Variants in GATA1 observed in about 807,000 individuals in gnomAD.
GATA1 encodes the protein GATA binding protein 1.
GATA1 carries 2 observed loss-of-function variants against 18.9 expected under a neutral mutation model. The ratio of observed to expected loss-of-function variants is 0.11; its 90% CI spans 0.04 to 0.33. The LOEUF is 0.33. GATA1 is among the 10% of genes least tolerant of loss of function. GATA1 has a pLI of 1.00. For missense variants in GATA1, 272 were observed against 344.7 expected (o/e 0.79, Z 1.67); for synonymous variants, 152 against 149.1 (o/e 1.02, Z -0.14).
chrX:48,791,881 G>T lies in GATA1; in HGVS notation c.258G>T (p.Gly86=). The part of the protein sequence containing the change: ...QVYPLLNCME[G]IPGGSPYAGW... Reference sequence around the variant, plus strand: ...ACCCATTGCTCAACTGTATGGAGGGGATCCCAGGGGGCTCACCATATGCCG... The same window carrying T: ...ACCCATTGCTCAACTGTATGGAGGGTATCCCAGGGGGCTCACCATATGCCG... Residue 86 remains glycine (G), a synonymous_variant, in exon 3 of 6, where the codon GGG becomes GGT. Transcript: ENST00000376670. The T allele has an allele frequency of 8.3e-7, 1 of 1,211,796 alleles. No homozygotes were observed. The highest frequency in any genetic ancestry group is 1.1e-6 in the Non-Finnish European group (1 of 895,373).
At chrX:48,793,558 C>A (rs1557020514) in intron 5 of GATA1, among the ~76,000 whole-genome samples, 2 of 106,471 alleles carry the variant, frequency 1.9e-5, no homozygotes, top group East Asian at 3.0e-4. Flanking sequence ...CTCTCCTCTC[C>A]CCCACCTCCA....
intron 1 of GATA1, among the ~76,000 whole-genome samples, chrX:48,788,053 C>A (rs1269912913): frequency 9.0e-6 from 1 of 111,083 alleles, no homozygotes; most frequent in Non-Finnish European, 1.9e-5. Flanking sequence ...GAGGCTGGGC[C>A]CCTGCCATGG....
Position 48,786,593 on chromosome X carries a change from C to T in GATA1, c.-72C>T, listed in dbSNP as rs782304729. The T allele has an allele frequency of 1.8e-5, 2 of 111,798 alleles. No individual in the cohort carries two copies. Among genetic ancestry groups the T allele is most frequent in the Admixed American group, 9.4e-5 (1 of 10,630 alleles). 9.2% of individuals were successfully genotyped at this position (111,798 alleles called of 1,213,427 possible). A position where few individuals can be genotyped will look rare whatever the true frequency, so the allele number is the denominator to read the frequency against. ...AGCCAGGACACCCCCTGGGATCACACTGAGCTTGCCACATCCCCAAGGCGG... is the reference window on the plus strand; with the variant it reads ...AGCCAGGACACCCCCTGGGATCACATTGAGCTTGCCACATCCCCAAGGCGG... On this transcript the variant is annotated 5_prime_UTR_variant, in exon 1 of 6. Coordinates refer to ENST00000376670, the MANE Select transcript of GATA1 (RefSeq NM_002049.4).
chrX:48,791,064 G>A, intron 1 of GATA1, 27 bp from the exon 2 acceptor site: 1 of 1,056,637 alleles, frequency 9.5e-7, no homozygotes. Context: ...GGATTTCTGT[G>A]TCTGAGGACC....
At position 48,794,122 on chromosome X, in the gene GATA1, C is replaced by T; in HGVS notation, c.1200C>T (p.Pro400=). 1 of 1,187,674 alleles carries T rather than the reference C, an allele frequency of 8.4e-7. No individual in the cohort carries two copies. ...GCTCCTTCCCCACAGGCCCCATGCC[C>T]CCCACCACCAGCACTACTGTGGTGG... ...PTGSFPTGPM[P]PTTSTTVVAP... Residue 400 remains proline, a synonymous_variant, in exon 6 of 6, where the codon CCC becomes CCT. Coordinates refer to ENST00000376670, the MANE Select transcript of GATA1 (RefSeq NM_002049.4).
chrX:48,789,867 G>A (rs1206053114), intron 1 of GATA1, among the ~76,000 whole-genome samples: 2 of 110,529 alleles, frequency 1.8e-5, no homozygotes, highest in Admixed American at 9.6e-5. Context: ...AGATACAACA[G>A]ATAGGGATGA....
chrX:48,793,535 G>A (rs893841417), intron 5 of GATA1, among the ~76,000 whole-genome samples: 3 of 93,093 alleles, frequency 3.2e-5, no homozygotes, highest in Non-Finnish European at 6.3e-5. Context: ...CTCCTCCTCC[G>A]CCCTCCTCCT....
chrX:48,787,488 T>C (rs2062661760), intron 1 of GATA1, among the ~76,000 whole-genome samples: 1 of 110,946 alleles, frequency 9.0e-6, no homozygotes, highest in Admixed American at 9.6e-5. Context: ...CTTTGACTCC[T>C]AAACTCCATC....
chrX:48,792,736 C>T (rs1326042271), intron 4 of GATA1, among the ~76,000 whole-genome samples: 1 of 111,327 alleles, frequency 9.0e-6, no homozygotes, highest in African/African-American at 3.3e-5. Context: ...GAACCCAGAT[C>T]TATAGAAGCT....
chrX:48,791,906 G>A lies in GATA1; in HGVS notation c.283G>A (p.Gly95Ser), dbSNP rs782790256. 31 of 1,210,208 alleles carry A rather than the reference G, an allele frequency of 2.6e-5. No individual in the cohort carries two copies. The highest frequency in any genetic ancestry group is 3.1e-5 in the Non-Finnish European group (28 of 895,077). Residue 95 changes from glycine (G) to serine (S), a missense_variant, in exon 3 of 6, where the codon GGC (glycine) becomes AGC (serine). Gly to Ser is a moderately conservative substitution (Grantham distance 56). This residue lies in a region of GATA1 where 147 missense variants were observed against 157.4 expected (regional missense o/e 0.93). Transcript: ENST00000376670. ...GATCCCAGGGGGCTCACCATATGCCGGCTGGGCCTACGGCAAGACGGGGCT... is the reference window on the plus strand; with the variant it reads ...GATCCCAGGGGGCTCACCATATGCCAGCTGGGCCTACGGCAAGACGGGGCT... ...EGIPGGSPYA[G>S]WAYGKTGLYP...
At chrX:48,792,751 T>C (rs1403974926) in intron 4 of GATA1, among the ~76,000 whole-genome samples, 1 of 110,977 alleles carries the variant, frequency 9.0e-6, no homozygotes, top group Non-Finnish European at 1.9e-5. Flanking sequence ...GAAGCTCCTA[T>C]CCTCAACCTA....
At chrX:48,787,872 T>C (rs2062662790) in intron 1 of GATA1, among the ~76,000 whole-genome samples, 1 of 112,032 alleles carries the variant, frequency 8.9e-6, no homozygotes, top group Non-Finnish European at 1.9e-5. Context: ...GATTGGAACG[T>C]TACCTGGGGT....
In GATA1 at chrX:48,791,782, C is replaced by T. The variant is rs1264196713; in HGVS notation, c.221-62C>T. On this transcript the variant is annotated intron_variant, in intron 2 of 5. Transcript: ENST00000376670. ...GGTGCTGGGAACCACTGCACCCTGA[C>T]GTGCGCTGACCCTAGACTGATTTTG... 1.8e-5 allele frequency: 21 copies of T among 1,177,397 alleles called. No individual in the cohort carries two copies. In the East Asian group the frequency reaches 5.1e-4, roughly 28 times the overall value.
In GATA1 at chrX:48,792,041, C is replaced by T. The variant is rs781904528; in HGVS notation, c.418C>T (p.Arg140Trp). 3 of 1,211,693 alleles carry T rather than the reference C, an allele frequency of 2.5e-6. No homozygotes were observed. Among genetic ancestry groups the T allele is most frequent in the East Asian group, 3.0e-5 (1 of 33,836 alleles). The change falls in exon 3 of 6, where the codon CGG becomes TGG. Residue 140 changes from arginine to tryptophan, a missense_variant. Arg to Trp is a moderately radical substitution (Grantham distance 101). Coordinates refer to ENST00000376670, the MANE Select transcript of GATA1 (RefSeq NM_002049.4). ...CTTCCTGGAGACTTTGAAGACAGAG[C>T]GGCTGAGCCCAGACCTCCTGACCCT... is the stretch of plus-strand genomic sequence containing the variant. ...TSFLETLKTE[R>W]LSPDLLTLGP...
chrX:48,789,884 G>A (rs1206069786), intron 1 of GATA1, among the ~76,000 whole-genome samples: 1 of 110,166 alleles, frequency 9.1e-6, no homozygotes, highest in African/African-American at 3.3e-5. Context: ...ATGAAGTTGG[G>A]GAGCAGAGGA....
At chrX:48,790,623 T>G (rs2062671114) in intron 1 of GATA1, among the ~76,000 whole-genome samples, 1 of 90,403 alleles carries the variant, frequency 1.1e-5, no homozygotes, top group African/African-American at 4.4e-5. Flanking sequence ...CAGGAGAGAA[T>G]GAGAAAAGAG....
chrX:48,794,301 A>C lies in GATA1; in HGVS notation c.*137A>C. 3 of 738,086 alleles carry C rather than the reference A, an allele frequency of 4.1e-6. No homozygotes were observed. The highest frequency in any genetic ancestry group is 5.9e-6 in the Non-Finnish European group (3 of 507,420). 60.8% of individuals were successfully genotyped at this position (738,086 alleles called of 1,213,427 possible). ...AAGCTTTTGTAAAATAAAACCACCA[A>C]AGTCCTGAAATTGTGGGTGTGTCTA... On this transcript the variant is annotated 3_prime_UTR_variant, in exon 6 of 6. Coordinates refer to ENST00000376670, the MANE Select transcript of GATA1 (RefSeq NM_002049.4).
At chrX:48,788,144 G>A (rs1004436762) in intron 1 of GATA1, among the ~76,000 whole-genome samples, 1 of 110,814 alleles carries the variant, frequency 9.0e-6, no homozygotes, top group Non-Finnish European at 1.9e-5. Flanking sequence ...ATCATGGTGG[G>A]TAAGGTGGAG....
intron 2 of GATA1, 130 bp downstream of exon 2, chrX:48,791,459 G>T: frequency 1.6e-6 from 1 of 642,063 alleles, no homozygotes. Flanking sequence ...AAATGGATGT[G>T]CCGACCACTT....
Sources: allele counts gnomAD v4.1 joint callset (sites outside exome capture counted in the v4.1 genomes callset), GRCh38; gene constraint gnomAD v4.1.1; regional missense constraint gnomAD v4.1.1; transcripts MANE v1.5; gene names NCBI Gene and HGNC (gene_info 2026-07-23, HGNC 2026-07-21).